The following PRKD1 variants were observed in gnomAD, a reference collection of about 807,000 sequenced individuals.
PRKD1 encodes the protein serine/threonine-protein kinase D1.
A neutral mutation model predicts 95.9 loss-of-function variants in PRKD1; 63 were observed. That is an observed-to-expected ratio of 0.66 (90% CI 0.54 to 0.81). The LOEUF (loss-of-function observed/expected upper bound fraction) is 0.81, where lower values mean the gene tolerates loss of function less well. Among genes scored for constraint, PRKD1 ranks in the 30% least tolerant of loss-of-function variants. PRKD1 has a pLI of 0.00. For synonymous variants in PRKD1, 425 were observed against 423.1 expected, an observed-to-expected ratio of 1.00 and a Z score of -0.05; for missense variants, 1,048 against 1,165.3, an observed-to-expected ratio of 0.90 and a Z score of 1.47.
chr14:29,808,939 A>G (rs776411215), intron 1 of PRKD1, among the ~76,000 whole-genome samples: 4 of 152,258 alleles, frequency 2.6e-5, no homozygotes, highest in Non-Finnish European at 4.4e-5. Flanking sequence ...AGAAATCACT[A>G]TATCAATGGC....
intron 1 of PRKD1, among the ~76,000 whole-genome samples, chr14:29,909,594 C>A (rs934288350): frequency 4.6e-5 from 7 of 152,126 alleles, no homozygotes; most frequent in Non-Finnish European, 8.8e-5. Flanking sequence ...CTGTATCTGG[C>A]TAATCTGGTG....
chr14:29,904,706 A>C (rs1328530975), intron 1 of PRKD1, among the ~76,000 whole-genome samples: 1 of 152,202 alleles, frequency 6.6e-6, no homozygotes, highest in Non-Finnish European at 1.5e-5. Context: ...GATGGAGCTT[A>C]AATAATTAGG....
At chr14:29,817,343 G>T (rs902641802) in intron 1 of PRKD1, among the ~76,000 whole-genome samples, 2 of 152,022 alleles carry the variant, frequency 1.3e-5, no homozygotes, top group African/African-American at 4.8e-5. Context: ...CTTTTGAAAA[G>T]ATTTCAAAAA....
rs1892687516 is a variant in PRKD1 at position 29,579,618 on chromosome 14, CAATCAG to C, written c.2435-1264_2435-1259del. 3.3e-5 allele frequency among the ~76,000 whole-genome samples: 5 copies of C among 152,110 alleles called. No homozygotes were observed. In the South Asian group the frequency reaches 1.0e-3, roughly 32 times the overall value. ...CCAGAGGAACAAAGACTGCTTCCTT[CAATCAG>C]AATCCTTCCCAGTGTCAGGCAAAGA... On this transcript the variant is annotated intron_variant, in intron 16 of 17. Transcript: ENST00000331968.
intron 16 of PRKD1, chr14:29,592,622 T>C (rs1893171870): frequency 6.6e-6 from 1 of 152,024 alleles, no homozygotes; most frequent in South Asian, 2.1e-4. Context: ...AAACGGAAAA[T>C]GATCAATATT....
chr14:29,638,850 A>T lies in PRKD1; in HGVS notation c.751T>A (p.Ser251Thr), dbSNP rs1386944625. ...IGREKRSNSQSYIGRPIHLDK... is the reference protein window; with the variant it reads ...IGREKRSNSQTYIGRPIHLDK... ...AGGTGAATTGGTCGTCCAATGTATG[A>T]TTGAGAATTTGACCTCTTCTCTCGA... Residue 251 changes from serine (S) to threonine (T), a missense_variant, in exon 5 of 18, where the codon TCA becomes ACA. Transcript: ENST00000331968. 3 of 1,402,932 alleles carry T rather than the reference A, an allele frequency of 2.1e-6. No homozygotes were observed. Among genetic ancestry groups the T allele is most frequent in the South Asian group, 1.1e-5 (1 of 87,564 alleles). 86.9% of individuals were successfully genotyped at this position (1,402,932 alleles called of 1,614,324 possible).
chr14:29,591,614 T>G (rs2333597), intron 16 of PRKD1, among the ~76,000 whole-genome samples: 1 of 152,190 alleles, frequency 6.6e-6, no homozygotes, highest in African/African-American at 2.4e-5. Flanking sequence ...CTGCTATAGA[T>G]CTATAGCTAG....
chr14:29,906,269 T>C (rs1034710814), intron 1 of PRKD1, among the ~76,000 whole-genome samples: 2 of 152,168 alleles, frequency 1.3e-5, no homozygotes. Flanking sequence ...CTGGGTGTAG[T>C]AGGCCATGCC....
intron 16 of PRKD1, chr14:29,591,138 C>T (rs941919900): frequency 3.3e-5 from 5 of 152,134 alleles, no homozygotes; most frequent in African/African-American, 7.2e-5. Context: ...TTATTATACA[C>T]GACTTTGTTA....
At chr14:29,846,964 A>G (rs1892101801) in intron 1 of PRKD1, among the ~76,000 whole-genome samples, 1 of 152,232 alleles carries the variant, frequency 6.6e-6, no homozygotes, top group African/African-American at 2.4e-5. Flanking sequence ...CATGTTACAC[A>G]GTTCAGGCTA....
chr14:29,632,901 A>C lies in PRKD1; in HGVS notation c.1360T>G (p.Phe454Val). The change falls in exon 9 of 18, where the codon TTT (phenylalanine) becomes GTT (valine). Residue 454 changes from phenylalanine (F) to valine (V), a missense_variant. Physicochemically the swap from Phe to Val is conservative, Grantham distance 50 (BLOSUM62 -1). Around this residue, in one of 3 missense-constraint regions of PRKD1, gnomAD observed 739 missense variants for 861.9 expected, o/e 0.86. Coordinates refer to ENST00000331968, the MANE Select transcript of PRKD1 (RefSeq NM_002742.3). ...WRLDSKCITL[F>V]QNDTGSRYYK... ...TACCTGCTTCCTGTGTCATTCTGAAAGAGGGTAATACATTTGCTATCCAAT... is the reference window on the plus strand; with the variant it reads ...TACCTGCTTCCTGTGTCATTCTGAACGAGGGTAATACATTTGCTATCCAAT... 6.2e-7 allele frequency: 1 copy of C among 1,613,732 alleles called. No homozygotes were observed. The highest frequency in any genetic ancestry group is 1.1e-5 in the South Asian group (1 of 91,072).
intron 3 of PRKD1, 86 bp downstream of exon 3, chr14:29,665,991 T>C: frequency 7.1e-7 from 1 of 1,405,280 alleles, no homozygotes; most frequent in Non-Finnish European, 9.5e-7. Flanking sequence ...ACTTAGCTTT[T>C]ACGTATCTTT....
intron 3 of PRKD1, 68 bp downstream of exon 3, chr14:29,666,009 T>C: frequency 6.8e-7 from 1 of 1,460,458 alleles, no homozygotes; most frequent in Non-Finnish European, 9.2e-7. Context: ...TTTGCAATTG[T>C]GAATTCTGCT....
At chr14:29,733,148 G>C (rs1886534425) in intron 1 of PRKD1, among the ~76,000 whole-genome samples, 1 of 150,270 alleles carries the variant, frequency 6.7e-6, no homozygotes, top group Admixed American at 6.6e-5. Context: ...TGCCGCCCAG[G>C]CTGGAGTGCA....
chr14:29,761,746 G>A (rs546213858), intron 1 of PRKD1, among the ~76,000 whole-genome samples: 97 of 151,764 alleles, frequency 6.4e-4, no homozygotes, highest in African/African-American at 2.3e-3. Context: ...CCCTTTAATA[G>A]GAGAAGTGGG....
intron 1 of PRKD1, among the ~76,000 whole-genome samples, chr14:29,922,586 A>C (rs534811832): frequency 2.4e-4 from 36 of 152,316 alleles, no homozygotes; most frequent in African/African-American, 8.7e-4. Flanking sequence ...AAAGAAATTT[A>C]AATTTTAAAA....
chr14:29,635,025 C>T (rs1880277537), intron 7 of PRKD1, among the ~76,000 whole-genome samples: 1 of 150,946 alleles, frequency 6.6e-6, no homozygotes, highest in Non-Finnish European at 1.5e-5. Flanking sequence ...CAGAGCAAGA[C>T]TCCATCTGAA....
At chr14:29,717,969 A>T (rs1410889226) in intron 2 of PRKD1, among the ~76,000 whole-genome samples, 1 of 152,160 alleles carries the variant, frequency 6.6e-6, no homozygotes, top group Non-Finnish European at 1.5e-5. Context: ...ATCAGGAGAT[A>T]AATAACCAAG....
intron 4 of PRKD1, among the ~76,000 whole-genome samples, chr14:29,655,615 GATGCT>G (rs1342528024): frequency 6.6e-6 from 1 of 152,130 alleles, no homozygotes; most frequent in Non-Finnish European, 1.5e-5. Context: ...AGCATTGTTG[GATGCT>G]CTAATACTTG....
Sources: allele counts gnomAD v4.1 joint callset (sites outside exome capture counted in the v4.1 genomes callset), GRCh38; gene constraint gnomAD v4.1.1; regional missense constraint gnomAD v4.1.1; transcripts MANE v1.5; gene names NCBI Gene and HGNC (gene_info 2026-07-23, HGNC 2026-07-21).